Variants in FER observed in about 807,000 individuals in gnomAD.
FER encodes tyrosine-protein kinase Fer.
A neutral mutation model predicts 111.0 loss-of-function variants in FER; 63 were observed. The observed-to-expected ratio is 0.57, with a 90% CI of 0.46 to 0.70. The LOEUF (loss-of-function observed/expected upper bound fraction) is 0.70, where lower values mean the gene tolerates loss of function less well. FER is among the 30% of genes least tolerant of loss of function. The pLI is 0.00. For synonymous variants in FER, 327 were observed against 313.9 expected, an observed-to-expected ratio of 1.04 and a Z score of -0.44; for missense variants, 914 against 954.0, an observed-to-expected ratio of 0.96 and a Z score of 0.55.
chr5:109,106,193 T>C (rs1301804639), intron 17 of FER, among the ~76,000 whole-genome samples: 3 of 152,236 alleles, frequency 2.0e-5, no homozygotes, highest in African/African-American at 7.2e-5. Flanking sequence ...ATTTAACATC[T>C]GCACTCTGTA....
In FER at chr5:109,188,326, G is replaced by GATCACCTGAGGTCAGGA. The variant is rs1759102837; in HGVS notation, c.*752_*768dup. ...CTCCTTTGGGAGGCTGAGGCAGGCG[G>GATCACCTGAGGTCAGGA]ATCACCTGAGGTCAGGAGTTCGAGA... On this transcript the variant is annotated 3_prime_UTR_variant, in exon 20 of 20. Transcript: ENST00000281092. 6.8e-6 allele frequency: 1 copy of GATCACCTGAGGTCAGGA among 146,790 alleles called. No homozygotes were observed. The highest frequency in any genetic ancestry group is 6.8e-5 in the Admixed American group (1 of 14,782). 9.1% of individuals were successfully genotyped at this position (146,790 alleles called of 1,614,324 possible). A position where few individuals can be genotyped will look rare whatever the true frequency, so the allele number is the denominator to read the frequency against.
intron 10 of FER, among the ~76,000 whole-genome samples, chr5:108,914,077 A>G (rs1198439176): frequency 6.6e-6 from 1 of 152,210 alleles, no homozygotes; most frequent in Admixed American, 6.5e-5. Context: ...TGTTCTGGTT[A>G]CAGGGACTTT....
chr5:109,131,754 C>T (rs9326760), intron 17 of FER, among the ~76,000 whole-genome samples: 28,826 of 151,864 alleles, frequency 0.19, 2,891 homozygotes, highest in Non-Finnish European at 0.22. Context: ...GTATTTGTTG[C>T]TAAGAACAGA....
chr5:109,017,953 T>TAA, intron 13 of FER, among the ~76,000 whole-genome samples: 1 of 151,898 alleles, frequency 6.6e-6, no homozygotes, highest in Non-Finnish European at 1.5e-5. Flanking sequence ...AAACCCTTTG[T>TAA]TTTCATTTTC....
Position 108,798,282 on chromosome 5 carries a change from C to T in FER, c.100C>T (p.Leu34=). Residue 34 remains leucine, a synonymous_variant, in exon 3 of 20, where the codon CTG becomes TTG. Coordinates refer to ENST00000281092, the MANE Select transcript of FER (RefSeq NM_005246.4). Reference sequence around the variant, plus strand: ...GGAAACAGTAAAGAAATTTATGGCCCTGAGAATAAAAAGTGATAAAGAATA... The same window carrying T: ...GGAAACAGTAAAGAAATTTATGGCCTTGAGAATAAAAAGTGATAAAGAATA... The part of the protein sequence containing the change: ...LLETVKKFMA[L]RIKSDKEYAS... 6.2e-7 allele frequency: 1 copy of T among 1,613,782 alleles called. No individual in the cohort carries two copies. The highest frequency in any genetic ancestry group is 8.5e-7 in the Non-Finnish European group (1 of 1,179,836).
intron 13 of FER, among the ~76,000 whole-genome samples, chr5:109,009,441 A>C (rs1384811117): frequency 2.0e-5 from 3 of 152,080 alleles, no homozygotes; most frequent in Non-Finnish European, 4.4e-5. Context: ...TTAGAAACCC[A>C]CCAAAAGCCT....
At chr5:109,145,790 T>C (rs1042472128) in intron 17 of FER, among the ~76,000 whole-genome samples, 2 of 152,136 alleles carry the variant, frequency 1.3e-5, no homozygotes, top group Non-Finnish European at 2.9e-5. Context: ...CACATTGATG[T>C]TACATTTCTC....
chr5:108,928,757 A>T (rs1424357457), intron 10 of FER, among the ~76,000 whole-genome samples: 1 of 151,632 alleles, frequency 6.6e-6, no homozygotes, highest in Non-Finnish European at 1.5e-5. Context: ...ACATATATAT[A>T]AAGTCTGTAT....
rs1055007646 is a variant in FER at position 109,187,987 on chromosome 5, G to A, written c.*412G>A. 1.2e-5 allele frequency: 2 copies of A among 164,904 alleles called. No individual in the cohort carries two copies. The highest frequency in any genetic ancestry group is 4.8e-5 in the African/African-American group (2 of 41,368). 10.2% of individuals were successfully genotyped at this position (164,904 alleles called of 1,614,324 possible). On this transcript the variant is annotated 3_prime_UTR_variant, in exon 20 of 20. Transcript: ENST00000281092. ...CAGCATTGGTAATGCCATGTTTGCAGGACATGTTCCAACCACAGCTGGCTT... is the reference window on the plus strand; with the variant it reads ...CAGCATTGGTAATGCCATGTTTGCAAGACATGTTCCAACCACAGCTGGCTT...
At position 109,191,614 on chromosome 5, in the gene FER, G is replaced by A. The variant is rs962821465; in HGVS notation, c.*4039G>A. On this transcript the variant is annotated 3_prime_UTR_variant, in exon 20 of 20. Coordinates refer to ENST00000281092, the MANE Select transcript of FER (RefSeq NM_005246.4). ...TCTTAATTAAATGGAATCAGATTTT[G>A]TATGGAAATGAGTTTATATTACATT... 5.9e-5 allele frequency: 9 copies of A among 152,090 alleles called. No individual in the cohort carries two copies. Among genetic ancestry groups the A allele is most frequent in the East Asian group, 5.8e-4 (3 of 5,202 alleles). 9.4% of individuals were successfully genotyped at this position (152,090 alleles called of 1,614,324 possible).
intron 17 of FER, among the ~76,000 whole-genome samples, chr5:109,149,704 T>G (rs754304500): frequency 7.2e-5 from 11 of 152,128 alleles, no homozygotes; most frequent in Admixed American, 1.3e-4. Context: ...TAGGAGAATA[T>G]GGAAACACGC....
chr5:108,850,274 T>C (rs1762428384), intron 5 of FER, among the ~76,000 whole-genome samples: 1 of 152,152 alleles, frequency 6.6e-6, no homozygotes, highest in Admixed American at 6.5e-5. Flanking sequence ...GATCCTCTAC[T>C]GTTTTTCTGT....
chr5:108,862,253 G>A (rs1192740347), intron 5 of FER, among the ~76,000 whole-genome samples: 1 of 152,090 alleles, frequency 6.6e-6, no homozygotes, highest in Non-Finnish European at 1.5e-5. Flanking sequence ...ATGACTTCAG[G>A]CTGTTTGTCA....
intron 3 of FER, among the ~76,000 whole-genome samples, chr5:108,799,312 C>T (rs1309318036): frequency 6.6e-6 from 1 of 152,158 alleles, no homozygotes; most frequent in African/African-American, 2.4e-5. Flanking sequence ...CTTCCAGTGT[C>T]TTATTTAAAT....
chr5:109,184,137 T>C (rs1758596737), intron 18 of FER, among the ~76,000 whole-genome samples: 1 of 152,200 alleles, frequency 6.6e-6, no homozygotes, highest in African/African-American at 2.4e-5. Context: ...AAATCATAAA[T>C]CATCTATTTA....
chr5:109,051,204 T>C, intron 16 of FER: 1 of 742,010 alleles, frequency 1.3e-6, no homozygotes, highest in South Asian at 1.6e-5. Context: ...TGAATAAGAC[T>C]GTTGAATACC....
At chr5:108,839,080 A>G (rs1425686519) in intron 5 of FER, among the ~76,000 whole-genome samples, 2 of 152,212 alleles carry the variant, frequency 1.3e-5, no homozygotes, top group East Asian at 3.8e-4. Flanking sequence ...AAAAGGTAGT[A>G]AAGGATTCCC....
chr5:108,939,573 A>G (rs1216359532), intron 10 of FER, among the ~76,000 whole-genome samples: 2 of 152,076 alleles, frequency 1.3e-5, no homozygotes, highest in Admixed American at 6.6e-5. Context: ...CTACAGTGTG[A>G]CAGTTTCTCT....
At chr5:108,782,813 C>G (rs953157486) in intron 2 of FER, 1 of 152,082 alleles carries the variant, frequency 6.6e-6, no homozygotes, top group African/African-American at 2.4e-5. Context: ...AGTCAAGTTT[C>G]TTTTTTCTTT....
Sources: allele counts gnomAD v4.1 joint callset (sites outside exome capture counted in the v4.1 genomes callset), GRCh38; gene constraint gnomAD v4.1.1; transcripts MANE v1.5; gene names NCBI Gene and HGNC (gene_info 2026-07-23, HGNC 2026-07-21).